Variants in FCAMR observed in about 807,000 individuals in gnomAD.
FCAMR encodes the protein high affinity immunoglobulin alpha and immunoglobulin mu Fc receptor.
Under a neutral mutation model 52.2 loss-of-function variants are expected in FCAMR, and 51 were observed. The ratio of observed to expected loss-of-function variants is 0.98; its 90% confidence interval spans 0.78 to 1.23. FCAMR has a LOEUF of 1.23. Among genes scored for constraint, FCAMR ranks in the 50% most tolerant of loss-of-function variants. The pLI is 0.00. For synonymous variants in FCAMR, 282 were observed against 262.0 expected (o/e 1.08, Z -0.74); for missense variants, 719 against 712.6 (o/e 1.01, Z -0.10).
intron 4 of FCAMR, 146 bp downstream of exon 4, chr1:206,965,569 T>G: frequency 9.8e-7 from 1 of 1,017,424 alleles, no homozygotes; most frequent in East Asian, 3.1e-5. Flanking sequence ...TCTCATCCCC[T>G]CATTGTTACT....
chr1:206,962,032 T>C (rs1316763910), intron 5 of FCAMR, among the ~76,000 whole-genome samples, 181 bp downstream of exon 5: 1 of 152,242 alleles, frequency 6.6e-6, no homozygotes, highest in African/African-American at 2.4e-5. Context: ...TCTTCCTTTT[T>C]TTTGAAGGCA....
At chr1:206,965,979 T>C in intron 3 of FCAMR, 121 bp from the exon 4 acceptor site, 1 of 1,371,032 alleles carries the variant, frequency 7.3e-7, no homozygotes, top group Non-Finnish European at 1.0e-6. Flanking sequence ...CTCCAGGCCA[T>C]CCATCAAGTA....
At chr1:206,965,415 T>A (rs764477151) in intron 4 of FCAMR, among the ~76,000 whole-genome samples, 4 of 152,346 alleles carry the variant, frequency 2.6e-5, no homozygotes, top group Admixed American at 6.5e-5. Flanking sequence ...AGCTCTTTGT[T>A]ATATACAATA....
chr1:206,966,058 C>A, intron 3 of FCAMR, 200 bp from the exon 4 acceptor site: 1 of 704,060 alleles, frequency 1.4e-6, no homozygotes, highest in South Asian at 1.8e-5. Flanking sequence ...CAAGCAGCAG[C>A]TGCCTAGATT....
chr1:206,965,692 C>A (rs772118951), intron 4 of FCAMR, 23 bp downstream of exon 4: 3 of 1,541,432 alleles, frequency 1.9e-6, no homozygotes, highest in African/African-American at 2.8e-5. Flanking sequence ...CATGGTCGAA[C>A]AAAGGGAGAG....
At chr1:206,963,465 T>A (rs1260140626) in intron 4 of FCAMR, among the ~76,000 whole-genome samples, 1 of 152,204 alleles carries the variant, frequency 6.6e-6, no homozygotes, top group Non-Finnish European at 1.5e-5. Context: ...ATTTCAGGCA[T>A]AATCTCATGT....
At chr1:206,968,429 TCTA>T (rs1680801242) in intron 1 of FCAMR, among the ~76,000 whole-genome samples, 1 of 152,254 alleles carries the variant, frequency 6.6e-6, no homozygotes, top group East Asian at 1.9e-4. Flanking sequence ...GGATTAAAAA[TCTA>T]CTCTTTGAAT....
chr1:206,966,109 C>T (rs1368763978), intron 3 of FCAMR, among the ~76,000 whole-genome samples: 1 of 152,176 alleles, frequency 6.6e-6, no homozygotes, highest in Non-Finnish European at 1.5e-5. Flanking sequence ...AGCAACCACA[C>T]CCCCTTCCTG....
In FCAMR at chr1:206,967,038, G is replaced by T; in HGVS notation, c.169+14C>A. 2.5e-6 allele frequency: 4 copies of T among 1,613,636 alleles called. No homozygotes were observed. The highest frequency in any genetic ancestry group is 3.4e-6 in the Non-Finnish European group (4 of 1,179,938). On this transcript the variant is annotated intron_variant, in intron 3 of 7. Coordinates refer to ENST00000324852, the MANE Select transcript of FCAMR (RefSeq NM_001170631.2). The stretch of plus-strand genomic sequence containing the variant: ...TTTTGTAAGCCCTGAACCTGGGCTG[G>T]GTTTGGGACTCACCTTGTAGCAGGC...
chr1:206,967,095 C>G lies in FCAMR; in HGVS notation c.126G>C (p.Ala42=). 6.2e-7 allele frequency: 1 copy of G among 1,613,562 alleles called. No homozygotes were observed. The highest frequency in any genetic ancestry group is 8.5e-7 in the Non-Finnish European group (1 of 1,179,862). The change falls in exon 3 of 8, where the codon GCG becomes GCC. Residue 42 remains alanine, a synonymous_variant. Transcript: ENST00000324852. ...TGAGGAAGAGGGGCATTTTCCATCC[C>G]GCCCTCCTGCTGGTGACCTGCAAAA... ...LPQSHVTSRR[A]GWKMPLFLIL... is the part of the protein sequence containing the mutation.
chr1:206,962,625 A>G (rs1324702617), intron 4 of FCAMR, 74 bp from the exon 5 acceptor site: 8 of 1,290,480 alleles, frequency 6.2e-6, no homozygotes, highest in Non-Finnish European at 8.3e-6. Context: ...ACGAACTCTG[A>G]ACTCTGCCAG....
rs568650021 is a variant in FCAMR at position 206,962,511 on chromosome 1, C to T, written c.354G>A (p.Glu118=). 4.3e-5 allele frequency: 68 copies of T among 1,599,472 alleles called. 1 individual carries two copies. In the South Asian group the frequency reaches 6.9e-4, roughly 16 times the overall value. Residue 118 remains glutamate, a synonymous_variant, in exon 5 of 8, where the codon GAG becomes GAA. Transcript: ENST00000324852. ...ACTGGATGGTGACAGCTCCTCCAGG[C>T]TCCCCTGACACCAGCCTTGAGCCCT... is the stretch of plus-strand genomic sequence containing the variant. The part of the protein sequence containing the change: ...SLKGSRLVSG[E]PGGAVTIQCH...
In FCAMR at chr1:206,962,428, C is replaced by T. The variant is rs368893206; in HGVS notation, c.437G>A (p.Gly146Glu). Reference protein sequence around the residue: ...RHQRKYWCRLGPPRWICQTIV... With the variant: ...RHQRKYWCRLEPPRWICQTIV... ...GGTCTGGCAGATCCATCTTGGGGGCCCCAGACGGCACCAGTACTTCCTCTG... is the reference window on the plus strand; with the variant it reads ...GGTCTGGCAGATCCATCTTGGGGGCTCCAGACGGCACCAGTACTTCCTCTG... The change falls in exon 5 of 8, where the codon GGG becomes GAG. Residue 146 changes from glycine (G) to glutamate (E), a missense_variant. Gly to Glu is a moderately conservative substitution (Grantham distance 98). Coordinates refer to ENST00000324852, the MANE Select transcript of FCAMR (RefSeq NM_001170631.2). 1.1e-5 allele frequency: 18 copies of T among 1,614,040 alleles called. No individual in the cohort carries two copies. In the Admixed American group the frequency reaches 2.2e-4, roughly 19 times the overall value.
At chr1:206,965,497 T>A (rs1160940096) in intron 4 of FCAMR, among the ~76,000 whole-genome samples, 1 of 152,236 alleles carries the variant, frequency 6.6e-6, no homozygotes, top group Admixed American at 6.5e-5. Context: ...AGGGTCAATG[T>A]GTGCCCACCT....
At chr1:206,968,629 A>G (rs1680808425) in intron 1 of FCAMR, among the ~76,000 whole-genome samples, 1 of 152,098 alleles carries the variant, frequency 6.6e-6, no homozygotes, top group South Asian at 2.1e-4. Context: ...ATGCAAAACC[A>G]CTGGCCAGTT....
At chr1:206,966,836 G>C (rs924574912) in intron 3 of FCAMR, among the ~76,000 whole-genome samples, 2 of 152,138 alleles carry the variant, frequency 1.3e-5, no homozygotes, top group African/African-American at 4.8e-5. Context: ...TCTAGGTACT[G>C]GGTACTCTTG....
chr1:206,966,190 G>A (rs2883215), intron 3 of FCAMR, among the ~76,000 whole-genome samples: 27,732 of 152,098 alleles, frequency 0.18, 2,602 homozygotes, highest in East Asian at 0.33. Context: ...AAAGTATTTA[G>A]CTGGAAACTT....
chr1:206,960,374 T>A (rs1467669263), intron 6 of FCAMR, 48 bp downstream of exon 6: 1 of 1,451,738 alleles, frequency 6.9e-7, no homozygotes, highest in East Asian at 2.5e-5. Flanking sequence ...ATGCCAGGGA[T>A]GAGGCAGATG....
chr1:206,967,142 C>T (rs1680747300), intron 2 of FCAMR, 30 bp from the exon 3 acceptor site: 2 of 1,610,706 alleles, frequency 1.2e-6, no homozygotes, highest in African/African-American at 2.7e-5. Flanking sequence ...TGAAAAGAGG[C>T]CTGAGAGAAG....
Sources: allele counts gnomAD v4.1 joint callset (sites outside exome capture counted in the v4.1 genomes callset), GRCh38; gene constraint gnomAD v4.1.1; transcripts MANE v1.5; gene names NCBI Gene and HGNC (gene_info 2026-07-23, HGNC 2026-07-21).